Variants in SPATA6L observed in about 807,000 individuals in gnomAD.
SPATA6L encodes spermatogenesis associated 6 like, also known as spermatogenesis associated 6-like protein.
In SPATA6L, 68 loss-of-function variants were observed where a neutral mutation model predicts 49.2. That is an observed-to-expected ratio of 1.38 (90% CI 1.14 to 1.69). The LOEUF is 1.69. Ranked by LOEUF, SPATA6L falls within the 40% of genes most tolerant of loss-of-function variation. The pLI is 0.00. For synonymous variants in SPATA6L, 198 were observed against 165.7 expected, an observed-to-expected ratio of 1.19 and a Z score of -1.50; for missense variants, 668 against 464.3, an observed-to-expected ratio of 1.44 and a Z score of -4.03.
chr9:4,605,840 C>A (rs12351173), intron 9 of SPATA6L, among the ~76,000 whole-genome samples: 4,096 of 152,306 alleles, frequency 0.027, 160 homozygotes, highest in African/African-American at 0.083. Flanking sequence ...GCTCCGGTCT[C>A]CAGCTCCCAG....
chr9:4,592,647 T>C (rs1821983812), intron 13 of SPATA6L, among the ~76,000 whole-genome samples: 1 of 152,202 alleles, frequency 6.6e-6, no homozygotes, highest in South Asian at 2.1e-4. Context: ...TGGGGTGATC[T>C]AAAATGTTCA....
intron 2 of SPATA6L, among the ~76,000 whole-genome samples, chr9:4,660,792 C>A (rs368337955): frequency 6.6e-6 from 1 of 152,200 alleles, no homozygotes; most frequent in Admixed American, 6.5e-5. Flanking sequence ...AAATGTCCAT[C>A]AGTGATAGAC....
intron 9 of SPATA6L, among the ~76,000 whole-genome samples, chr9:4,607,519 C>T (rs1281970185): frequency 6.6e-6 from 1 of 152,092 alleles, no homozygotes; most frequent in African/African-American, 2.4e-5. Flanking sequence ...AATTTTCAAC[C>T]CAGAATGTCA....
intron 1 of SPATA6L, chr9:4,665,117 C>G (rs1229742405): frequency 1.2e-5 from 2 of 167,122 alleles, no homozygotes; most frequent in Non-Finnish European, 2.9e-5. Context: ...CCTGAGTTTT[C>G]TGGCTCTTAA....
At chr9:4,593,181 G>A (rs1195221048) in intron 13 of SPATA6L, among the ~76,000 whole-genome samples, 1 of 152,124 alleles carries the variant, frequency 6.6e-6, no homozygotes, top group African/African-American at 2.4e-5. Context: ...GCTTCAAAAT[G>A]CCTAAAAAGT....
chr9:4,640,547 C>G lies in SPATA6L; in HGVS notation c.227-5148G>C, dbSNP rs1192161364. 3.3e-5 allele frequency among the ~76,000 whole-genome samples: 5 copies of G among 151,956 alleles called. No individual in the cohort carries two copies. The East Asian group carries it at 9.7e-4, about 29-fold the overall frequency. On this transcript the variant is annotated intron_variant, in intron 3 of 11. Transcript: ENST00000682582. ...ATATGGCCCATGTGACCCCACAGTG[C>G]AGTCCACAGGAAACTTTAAGAAAAA...
At chr9:4,633,710 T>C (rs1477606054) in intron 4 of SPATA6L, 1 of 152,682 alleles carries the variant, frequency 6.5e-6, no homozygotes, top group African/African-American at 2.4e-5. Context: ...CAGGAATAGA[T>C]TGCCAACAGT....
chr9:4,640,844 G>A (rs570254210), intron 3 of SPATA6L, among the ~76,000 whole-genome samples: 92 of 152,128 alleles, frequency 6.0e-4, no homozygotes, highest in Admixed American at 1.4e-3. Flanking sequence ...AAAAAAACAA[G>A]TATAACACAG....
intron 4 of SPATA6L, chr9:4,633,019 A>T (rs1352547736): frequency 2.6e-5 from 4 of 152,614 alleles, no homozygotes; most frequent in African/African-American, 4.8e-5. Context: ...ACAAACAAAC[A>T]AAAAAAGAGA....
chr9:4,663,578 A>G, intron 1 of SPATA6L: 1 of 302,884 alleles, frequency 3.3e-6, no homozygotes, highest in Admixed American at 4.7e-5. Context: ...AAAAGTTGGT[A>G]TCAGTAAGAT....
At chr9:4,603,536 C>G (rs1823903142) in intron 11 of SPATA6L, among the ~76,000 whole-genome samples, 1 of 152,166 alleles carries the variant, frequency 6.6e-6, no homozygotes. Context: ...GGTTCTTGTT[C>G]AGTGCACACA....
chr9:4,659,263 G>C (rs921376220), intron 2 of SPATA6L, among the ~76,000 whole-genome samples: 1 of 152,140 alleles, frequency 6.6e-6, no homozygotes, highest in Non-Finnish European at 1.5e-5. Context: ...GTCAACCTCA[G>C]GTTGAAACAG....
At chr9:4,654,389 C>G (rs2130745908) in intron 3 of SPATA6L, among the ~76,000 whole-genome samples, 1 of 152,290 alleles carries the variant, frequency 6.6e-6, no homozygotes, top group South Asian at 2.1e-4. Context: ...CGGGGGCAGG[C>G]TGTGGGGTTC....
Position 4,605,489 on chromosome 9 carries a change from G to A in SPATA6L, c.996-49C>T, listed in dbSNP as rs1262074649. ...GGAATATTAAGCAGCTACTAAAAAGGACACTTAAAGCACATGACGGTATGG... is the reference window on the plus strand; with the variant it reads ...GGAATATTAAGCAGCTACTAAAAAGAACACTTAAAGCACATGACGGTATGG... On this transcript the variant is annotated intron_variant, in intron 9 of 11. Transcript: ENST00000682582. The A allele has an allele frequency of 5.3e-6, 7 of 1,320,184 alleles. No individual in the cohort carries two copies. The African/African-American group carries it at 1.0e-4, about 19-fold the overall frequency. The allele number at this position is 1,320,184 out of a possible 1,614,324, so 81.8% of individuals were successfully genotyped here.
intron 4 of SPATA6L, among the ~76,000 whole-genome samples, chr9:4,632,387 G>A (rs575546690): frequency 6.6e-6 from 1 of 152,070 alleles, no homozygotes; most frequent in African/African-American, 2.4e-5. Flanking sequence ...CCTGAGGTCA[G>A]GAGTTCGAGA....
At chr9:4,638,503 A>G (rs10125774) in intron 3 of SPATA6L, among the ~76,000 whole-genome samples, 21,518 of 152,024 alleles carry the variant, frequency 0.14, 2,358 homozygotes, top group African/African-American at 0.3. Context: ...GTGAGCCACC[A>G]CGCCCAGCCA....
At chr9:4,652,455 AT>A (rs919257110) in intron 3 of SPATA6L, among the ~76,000 whole-genome samples, 2 of 152,164 alleles carry the variant, frequency 1.3e-5, no homozygotes, top group Non-Finnish European at 2.9e-5. Context: ...TGAGAATGAA[AT>A]TTTTAAAAAT....
intron 3 of SPATA6L, among the ~76,000 whole-genome samples, chr9:4,648,036 T>C (rs1835831139): frequency 6.6e-6 from 1 of 152,172 alleles, no homozygotes; most frequent in Non-Finnish European, 1.5e-5. Flanking sequence ...AGTTTCGCCA[T>C]GTTGGCCAGG....
intron 4 of SPATA6L, among the ~76,000 whole-genome samples, chr9:4,633,917 T>C (rs1832208049): frequency 6.6e-6 from 1 of 152,228 alleles, no homozygotes; most frequent in African/African-American, 2.4e-5. Context: ...TTTGATTAAG[T>C]TAATTGTAAG....
Sources: gnomAD v4.1 joint callset for allele counts (sites outside exome capture counted in the v4.1 genomes callset) on GRCh38, gnomAD v4.1.1 for gene constraint, MANE v1.5 for transcripts, NCBI Gene and HGNC (gene_info 2026-07-23, HGNC 2026-07-21) for gene names.